CAST: variants seen among roughly 807,000 people sequenced by gnomAD.
CAST encodes calpastatin, also known as MIR583 host.
In CAST, 76 loss-of-function variants were observed where a neutral mutation model predicts 119.6. The ratio of observed to expected loss-of-function variants is 0.64; its 90% confidence interval spans 0.53 to 0.77. CAST has a LOEUF of 0.77. CAST is among the 30% of genes least tolerant of loss of function. CAST has a pLI of 0.00. For missense variants in CAST, 953 were observed against 946.5 expected (o/e 1.01, Z -0.09); for synonymous variants, 319 against 331.6 (o/e 0.96, Z 0.41).
At chr5:95,984,035 T>C in the CAST span, among the ~76,000 whole-genome samples, 1 of 152,318 alleles carries the variant, frequency 6.6e-6, no homozygotes, top group Admixed American at 6.5e-5. Flanking sequence ...TGCCCCAACA[T>C]ACATGCCAGA....
chr5:96,245,389 ACTTTAT>A, the CAST span, among the ~76,000 whole-genome samples: 64 of 152,316 alleles, frequency 4.2e-4, 1 homozygote, highest in African/African-American at 1.5e-3. Context: ...GCTGGCAACC[ACTTTAT>A]CTTTAACTGT....
At chr5:96,415,914 G>A in the CAST span, 3 of 721,234 alleles carry the variant, frequency 4.2e-6, no homozygotes, top group Non-Finnish European at 7.6e-6. Flanking sequence ...AGCAACTTTG[G>A]CATGGAACTA....
chr5:96,207,266 C>T, the CAST span, among the ~76,000 whole-genome samples: 2 of 152,074 alleles, frequency 1.3e-5, no homozygotes, highest in Admixed American at 6.6e-5. Flanking sequence ...GTTTGACTTC[C>T]TCTCTTCCTA....
intron 22 of CAST, among the ~76,000 whole-genome samples, chr5:96,755,440 AT>A (rs1384302394): frequency 6.6e-6 from 1 of 152,246 alleles, no homozygotes; most frequent in African/African-American, 2.4e-5. Context: ...AAGAGAACCT[AT>A]TTAACATTGA....
At chr5:96,284,480 G>A in the CAST span, among the ~76,000 whole-genome samples, 3 of 152,122 alleles carry the variant, frequency 2.0e-5, no homozygotes, top group Non-Finnish European at 4.4e-5. Context: ...GGTGACGGTG[G>A]GCTCTATTTT....
the CAST span, among the ~76,000 whole-genome samples, chr5:96,233,865 A>G: frequency 0.18 from 26,716 of 152,138 alleles, 3,659 homozygotes; most frequent in African/African-American, 0.37. Flanking sequence ...CTGTAGAACA[A>G]GAAGAAATAA....
At chr5:96,743,703 A>T (rs1291209468) in intron 16 of CAST, 1 of 1,611,600 alleles carries the variant, frequency 6.2e-7, no homozygotes, top group Non-Finnish European at 8.5e-7. Flanking sequence ...TGTGACGGTG[A>T]ACGCAGAGGA....
intron 21 of CAST, 37 bp downstream of exon 21, chr5:96,754,198 C>A: frequency 1.7e-6 from 2 of 1,158,006 alleles, no homozygotes; most frequent in Non-Finnish European, 2.6e-6. Flanking sequence ...AAATAAATAT[C>A]ATTGATCACC....
At chr5:96,532,399 A>C (rs1407378123) in intron 1 of CAST, among the ~76,000 whole-genome samples, 1 of 152,140 alleles carries the variant, frequency 6.6e-6, no homozygotes, top group East Asian at 1.9e-4. Context: ...GGTGTAAAGG[A>C]AACAACTTAC....
the CAST span, among the ~76,000 whole-genome samples, chr5:96,116,255 T>A: frequency 1.3e-5 from 2 of 152,142 alleles, no homozygotes; most frequent in South Asian, 2.1e-4. Flanking sequence ...TTGAGATCCA[T>A]CTGTATTATT....
chr5:96,595,817 T>C (rs1747043089), intron 1 of CAST, among the ~76,000 whole-genome samples: 1 of 152,132 alleles, frequency 6.6e-6, no homozygotes, highest in South Asian at 2.1e-4. Flanking sequence ...AGAGTTAAAA[T>C]TCAACATAAC....
the CAST span, among the ~76,000 whole-genome samples, chr5:96,089,066 C>CTTTTTTTTT: frequency 8.5e-6 from 1 of 117,718 alleles, no homozygotes. Context: ...CTCCAAAAAT[C>CTTTTTTTTT]TTTTTTTTTT....
the CAST span, among the ~76,000 whole-genome samples, chr5:96,464,443 A>G: frequency 6.6e-6 from 1 of 152,046 alleles, no homozygotes; most frequent in Non-Finnish European, 1.5e-5. Context: ...AAGATATTTA[A>G]TAAAAGTCCT....
At chr5:95,997,963 G>GTTTTTTT in the CAST span, among the ~76,000 whole-genome samples, 20 of 93,634 alleles carry the variant, frequency 2.1e-4, no homozygotes, top group Non-Finnish European at 2.9e-4. Context: ...TTGAGAGAGG[G>GTTTTTTT]TTTTTTTTTT....
chr5:96,475,204 G>GA, the CAST span, among the ~76,000 whole-genome samples: 1 of 152,278 alleles, frequency 6.6e-6, no homozygotes, highest in East Asian at 1.9e-4. Flanking sequence ...CCAGTCTGGG[G>GA]AAAAATGAAG....
At chr5:96,478,767 A>T in the CAST span, among the ~76,000 whole-genome samples, 1 of 152,250 alleles carries the variant, frequency 6.6e-6, no homozygotes, top group Non-Finnish European at 1.5e-5. Flanking sequence ...GGTGACAATG[A>T]TATGTAGGAA....
the CAST span, among the ~76,000 whole-genome samples, chr5:96,034,600 CAT>C: frequency 6.6e-6 from 1 of 150,752 alleles, no homozygotes. Context: ...CATTACCTAA[CAT>C]AGTTTTTTTT....
chr5:96,243,750 G>A, the CAST span, among the ~76,000 whole-genome samples: 4 of 152,010 alleles, frequency 2.6e-5, no homozygotes, highest in Admixed American at 6.6e-5. Flanking sequence ...GGACATCTGC[G>A]GATTTTTTCT....
the CAST span, among the ~76,000 whole-genome samples, chr5:96,474,210 C>G: frequency 6.6e-6 from 1 of 152,088 alleles, no homozygotes; most frequent in Non-Finnish European, 1.5e-5. Flanking sequence ...CTAGGACTGC[C>G]AGGAACGAGG....
Sources: allele counts gnomAD v4.1 joint callset (sites outside exome capture counted in the v4.1 genomes callset), GRCh38; gene constraint gnomAD v4.1.1; transcripts MANE v1.5; gene names NCBI Gene and HGNC (gene_info 2026-07-23, HGNC 2026-07-21).